ZFP64: variants seen among roughly 807,000 people sequenced by gnomAD.
The protein encoded by ZFP64 is zinc finger protein 64.
A neutral mutation model predicts 51.6 loss-of-function variants in ZFP64; 14 were observed. That is an observed-to-expected ratio of 0.27 (90% confidence interval 0.18 to 0.42). The LOEUF (loss-of-function observed/expected upper bound fraction) is 0.42. Among genes scored for constraint, ZFP64 ranks in the 10% least tolerant of loss-of-function variants. ZFP64 has a pLI of 1.00. For synonymous variants in ZFP64, 375 were observed against 361.4 expected (o/e 1.04, Z -0.43); for missense variants, 754 against 906.8 (o/e 0.83, Z 2.16).
At chr20:52,096,940 A>G (rs1457179626) in intron 7 of ZFP64, 1 of 440,092 alleles carries the variant, frequency 2.3e-6, no homozygotes, top group Non-Finnish European at 4.6e-6. Context: ...TGCACCCTAC[A>G]GTCCCTGTAA....
chr20:52,095,366 A>G (rs1285011841), intron 7 of ZFP64, among the ~76,000 whole-genome samples: 2 of 152,188 alleles, frequency 1.3e-5, no homozygotes, highest in Non-Finnish European at 2.9e-5. Context: ...ATGACAACGC[A>G]AAGCAACAGC....
At chr20:52,102,649 G>A (rs2079065542) in intron 5 of ZFP64, among the ~76,000 whole-genome samples, 1 of 152,032 alleles carries the variant, frequency 6.6e-6, no homozygotes, top group South Asian at 2.1e-4. Flanking sequence ...ACAAATCTAA[G>A]TGAGGCACTG....
intron 5 of ZFP64, among the ~76,000 whole-genome samples, chr20:52,144,533 T>G (rs939884944): frequency 2.4e-4 from 29 of 119,190 alleles, no homozygotes; most frequent in African/African-American, 9.5e-4. Flanking sequence ...TGAGCCGAGA[T>G]CGCGCCACTG....
chr20:52,135,202 G>A (rs921666078), intron 5 of ZFP64, among the ~76,000 whole-genome samples: 17 of 152,128 alleles, frequency 1.1e-4, no homozygotes, highest in African/African-American at 3.9e-4. Flanking sequence ...AAAATCAAAA[G>A]AAAATTAAAT....
intron 5 of ZFP64, among the ~76,000 whole-genome samples, chr20:52,143,602 C>T (rs1350168486): frequency 7.1e-6 from 1 of 141,024 alleles, no homozygotes; most frequent in African/African-American, 2.5e-5. Context: ...GGCACATGAT[C>T]ACAGCTCACT....
rs759475656 is a variant in ZFP64 at position 52,152,202 on chromosome 20, T to C, written c.1990A>G (p.Ile664Val). 4.2e-5 allele frequency: 68 copies of C among 1,614,014 alleles called. No individual in the cohort carries two copies. The Middle Eastern group carries it at 4.9e-4, about 12-fold the overall frequency. Residue 664 changes from isoleucine to valine, a missense_variant, in exon 6 of 6, where the codon ATT becomes GTT. Physicochemically the swap from Ile to Val is conservative, Grantham distance 29. Coordinates refer to ENST00000216923, the MANE Select transcript of ZFP64 (RefSeq NM_018197.3). ...AAAGCTGGATGGGCTGCCCCTTGAA[T>C]GATGGAGTAGGTCTGCTTGGGTAGT... Reference protein sequence around the residue: ...QELPKQTYSIIQGAAHPALLC... With the variant: ...QELPKQTYSIVQGAAHPALLC...
chr20:52,161,159 C>T (rs1251538810), intron 4 of ZFP64, among the ~76,000 whole-genome samples: 3 of 152,202 alleles, frequency 2.0e-5, no homozygotes, highest in Non-Finnish European at 4.4e-5. Context: ...GACAGTTACA[C>T]GGGACAGATA....
intron 5 of ZFP64, among the ~76,000 whole-genome samples, chr20:52,142,258 C>T (rs1980291519): frequency 6.6e-6 from 1 of 151,956 alleles, no homozygotes; most frequent in South Asian, 2.1e-4. Context: ...ATCCCAGCCA[C>T]ATGGAAGACT....
chr20:52,091,302 A>AGCCT (rs1458245807), intron 7 of ZFP64, among the ~76,000 whole-genome samples: 9 of 152,332 alleles, frequency 5.9e-5, no homozygotes, highest in Non-Finnish European at 1.2e-4. Context: ...GGTTGAGACC[A>AGCCT]GCCTGGGCAA....
intron 4 of ZFP64, among the ~76,000 whole-genome samples, chr20:52,164,209 A>G (rs1163946374): frequency 6.6e-6 from 1 of 152,194 alleles, no homozygotes; most frequent in East Asian, 1.9e-4. Context: ...GGTATTCTGG[A>G]GGCTGAGGTG....
chr20:52,147,225 G>A (rs775738581), downstream of ZFP64, among the ~76,000 whole-genome samples: 8 of 151,664 alleles, frequency 5.3e-5, no homozygotes, highest in South Asian at 6.2e-4. Context: ...TTTTTGAGAT[G>A]GAGTTGCACT....
rs776960290 is a variant in ZFP64, at chr20:52,191,588, T to C, written c.46+3A>G. 6.3e-7 allele frequency: 1 copy of C among 1,579,922 alleles called. No homozygotes were observed. The highest frequency in any genetic ancestry group is 2.4e-5 in the East Asian group (1 of 41,754). On this transcript the variant is annotated splice_donor_region_variant and intron_variant, in intron 1 of 5. Coordinates refer to ENST00000216923, the MANE Select transcript of ZFP64 (RefSeq NM_018197.3). This position sits in a 1 kb window ranked among gnomAD's most constrained non-coding sequence, Gnocchi z 4.3. ...CGCGCACTGCTCCCGGAAAAGCACT[T>C]ACTTTGCACCGAGCCCGCGAAGCTC... is the stretch of plus-strand genomic sequence containing the variant.
intron 5 of ZFP64, among the ~76,000 whole-genome samples, chr20:52,139,000 G>A (rs868368770): frequency 1.3e-5 from 2 of 152,148 alleles, no homozygotes; most frequent in South Asian, 2.1e-4. Flanking sequence ...TCTCACACTA[G>A]TCAGAGTGGC....
intron 5 of ZFP64, among the ~76,000 whole-genome samples, chr20:52,157,146 T>G (rs1981384549): frequency 6.6e-6 from 1 of 152,184 alleles, no homozygotes. Context: ...GTAAGACTCT[T>G]TATTAAAATC....
intron 5 of ZFP64, chr20:52,105,090 C>T (rs1331009500): frequency 7.2e-7 from 1 of 1,396,084 alleles, no homozygotes; most frequent in Non-Finnish European, 9.2e-7. Context: ...CTCTGAGCAC[C>T]GGCCCCCAGC....
At chr20:52,112,614 CTT>C in intron 5 of ZFP64, among the ~76,000 whole-genome samples, 1 of 134,458 alleles carries the variant, frequency 7.4e-6, no homozygotes, top group East Asian at 2.0e-4. Context: ...GTTCTCCTTC[CTT>C]TTTTTTTTTC....
chr20:52,114,485 G>A (rs1014995225), intron 5 of ZFP64, among the ~76,000 whole-genome samples: 5 of 152,090 alleles, frequency 3.3e-5, no homozygotes, highest in African/African-American at 1.2e-4. Context: ...GCAGATTCAG[G>A]GCAACAAACA....
chr20:52,152,370 C>A lies in ZFP64; in HGVS notation c.1822G>T (p.Gly608Cys), dbSNP rs754633449. 3.1e-6 allele frequency: 5 copies of A among 1,614,138 alleles called. No individual in the cohort carries two copies. The highest frequency in any genetic ancestry group is 4.2e-6 in the Non-Finnish European group (5 of 1,180,036). ...CCTTCAAAGTCAGTGCAAGTAATACCCGAACTGGTAATGAAAGTTTGATTG... is the reference window on the plus strand; with the variant it reads ...CCTTCAAAGTCAGTGCAAGTAATACACGAACTGGTAATGAAAGTTTGATTG... ...SGNQTFITSSGITCTDFEGLN... is the reference protein window; with the variant it reads ...SGNQTFITSSCITCTDFEGLN... The change falls in exon 6 of 6, where the codon GGT (glycine) becomes TGT (cysteine). Residue 608 changes from glycine to cysteine, a missense_variant. Coordinates refer to ENST00000216923, the MANE Select transcript of ZFP64 (RefSeq NM_018197.3).
At chr20:52,121,516 A>AAGTAGTCTC (rs879534953) in intron 5 of ZFP64, among the ~76,000 whole-genome samples, 2 of 152,180 alleles carry the variant, frequency 1.3e-5, no homozygotes, top group Non-Finnish European at 2.9e-5. Context: ...ACCTCTACTT[A>AAGTAGTCTC]AGTCTATGAA....
Sources: gnomAD v4.1 joint callset for allele counts (sites outside exome capture counted in the v4.1 genomes callset) on GRCh38, gnomAD v4.1.1 for gene constraint, Gnocchi (gnomAD v3.1) non-coding constraint, MANE v1.5 for transcripts, NCBI Gene and HGNC (gene_info 2026-07-23, HGNC 2026-07-21) for gene names.